POMK: variants seen among roughly 807,000 people sequenced by gnomAD.
POMK encodes the protein protein O-mannose kinase.
A neutral mutation model predicts 23.0 loss-of-function variants in POMK; 19 were observed. The observed-to-expected ratio is 0.83, with a 90% CI of 0.58 to 1.21. The LOEUF (loss-of-function observed/expected upper bound fraction) is 1.21. POMK is among the 50% of genes most tolerant of loss of function. The probability of loss-of-function intolerance (pLI) is 0.00; values close to 1 mark genes in which losing one functional copy is unlikely to be tolerated. For missense variants in POMK, 410 were observed against 431.3 expected, an observed-to-expected ratio of 0.95 and a Z score of 0.44; for synonymous variants, 173 against 171.6, an observed-to-expected ratio of 1.01 and a Z score of -0.06.
chr8:43,114,467 T>A (rs889138877), intron 4 of POMK, among the ~76,000 whole-genome samples: 3 of 152,176 alleles, frequency 2.0e-5, no homozygotes, highest in Non-Finnish European at 2.9e-5. Context: ...GTGGGAAAAG[T>A]GCAGTATTAG....
chr8:43,114,227 G>T (rs1283707951), intron 4 of POMK, among the ~76,000 whole-genome samples: 1 of 152,236 alleles, frequency 6.6e-6, no homozygotes, highest in African/African-American at 2.4e-5. Flanking sequence ...AGCCTACAGA[G>T]GCAGGCAGGC....
chr8:43,107,895 C>T lies in POMK; in HGVS notation c.282+4065C>T, dbSNP rs148358835. ...ACGGGGTTTCACTGTGTTGCCCAGG[C>T]TGGTCTTGAACTCCTGAGCTCAGGC... On this transcript the variant is annotated intron_variant, in intron 4 of 4. Transcript: ENST00000331373. Among the ~76,000 whole-genome samples the T allele has an allele frequency of 3.5e-3, 535 of 152,250 alleles. 4 individuals are homozygous for T. The highest frequency in any genetic ancestry group is 0.012 in the African/African-American group (490 of 41,550).
chr8:43,119,802 A>G (rs1213692830), intron 4 of POMK, among the ~76,000 whole-genome samples: 1 of 152,142 alleles, frequency 6.6e-6, no homozygotes. Context: ...GAGAGTCTTG[A>G]AAGAGTTTTC....
chr8:43,120,479 C>T (rs1024054412), intron 4 of POMK, among the ~76,000 whole-genome samples: 1 of 151,872 alleles, frequency 6.6e-6, no homozygotes, highest in African/African-American at 2.4e-5. Context: ...CCTTGGCTTC[C>T]AAAAGTGCTG....
chr8:43,104,533 T>G (rs1160014530), intron 4 of POMK, among the ~76,000 whole-genome samples: 1 of 152,214 alleles, frequency 6.6e-6, no homozygotes, highest in Non-Finnish European at 1.5e-5. Context: ...GCAACTGTTG[T>G]GTAGTTAGGA....
At position 43,103,459 on chromosome 8, in the gene POMK, A is replaced by G. The variant is rs117632349; in HGVS notation, c.-21-69A>G. ...ACCCTTGAGTAGAAGAGGCATCAGA[A>G]CACATTTTTGGAAATGAAAGGAAGT... On this transcript the variant is annotated intron_variant, in intron 3 of 4. Transcript: ENST00000331373. 9.0e-3 allele frequency: 13,270 copies of G among 1,469,466 alleles called. 97 individuals carry two copies. The highest frequency in any genetic ancestry group is 0.022 in the Middle Eastern group (100 of 4,518). 91.0% of individuals were successfully genotyped at this position (1,469,466 alleles called of 1,614,324 possible).
chr8:43,111,481 C>T (rs1428764803), intron 4 of POMK, among the ~76,000 whole-genome samples: 1 of 152,254 alleles, frequency 6.6e-6, no homozygotes, highest in Non-Finnish European at 1.5e-5. Context: ...CCCCTATAGG[C>T]TCCACCTCTG....
chr8:43,114,387 A>G (rs997039500), intron 4 of POMK, among the ~76,000 whole-genome samples: 2 of 151,818 alleles, frequency 1.3e-5, no homozygotes, highest in African/African-American at 4.8e-5. Flanking sequence ...AATCAGTGAG[A>G]CTCCGTGGGC....
At chr8:43,096,011 G>A (rs566988790) in intron 1 of POMK, among the ~76,000 whole-genome samples, 4 of 152,344 alleles carry the variant, frequency 2.6e-5, no homozygotes, top group Non-Finnish European at 5.9e-5. Flanking sequence ...ACAGGAGAGG[G>A]AAAGCAGCCT....
rs151252963 is a variant in POMK at position 43,100,828 on chromosome 8, C to T, written c.-117-1677C>T. On this transcript the variant is annotated intron_variant, in intron 2 of 4. Transcript: ENST00000331373. ...GAAGGGTCTTGGTACCGTCAGAGGCCCGGTGCGCTAAGGGTCAAGTTGGTG... is the reference window on the plus strand; with the variant it reads ...GAAGGGTCTTGGTACCGTCAGAGGCTCGGTGCGCTAAGGGTCAAGTTGGTG... 4.9e-3 allele frequency among the ~76,000 whole-genome samples: 749 copies of T among 151,862 alleles called. 5 individuals are homozygous for T. Among genetic ancestry groups the T allele is most frequent in the Non-Finnish European group, 7.4e-3 (501 of 67,920 alleles).
At chr8:43,109,142 G>A (rs1223262814) in intron 4 of POMK, among the ~76,000 whole-genome samples, 1 of 152,140 alleles carries the variant, frequency 6.6e-6, no homozygotes, top group African/African-American at 2.4e-5. Flanking sequence ...GCTTGATTTT[G>A]AAAGGTTTGT....
At position 43,099,435 on chromosome 8, in the gene POMK, G is replaced by A. The variant is rs1005923503; in HGVS notation, c.-118+1820G>A. ...CCTGAGTCTGGGTGAGCTCTCCCAG[G>A]GAGTGTGGCAGAGGCCTGAGCTCTG... On this transcript the variant is annotated intron_variant, in intron 2 of 4. Coordinates refer to ENST00000331373, the MANE Select transcript of POMK (RefSeq NM_032237.5). Among the ~76,000 whole-genome samples the A allele has an allele frequency of 5.9e-5, 9 of 152,330 alleles. No homozygotes were observed. The East Asian group carries it at 1.7e-3, about 29-fold the overall frequency.
In POMK at chr8:43,093,929, T is replaced by C. The variant is rs574558338; in HGVS notation, c.-210+366T>C. ...AACTTCTGTCTCCGTAAAAAAGCAC[T>C]TAGCCGGGCGCGGTGGCGCCGCCTA... On this transcript the variant is annotated intron_variant, in intron 1 of 4. Transcript: ENST00000331373. Among the ~76,000 whole-genome samples the C allele has an allele frequency of 1.1e-4, 17 of 152,280 alleles. No individual in the cohort carries two copies. The South Asian group carries it at 1.5e-3, about 13-fold the overall frequency.
intron 4 of POMK, among the ~76,000 whole-genome samples, 167 bp from the exon 5 acceptor site, chr8:43,121,940 C>G (rs1004117575): frequency 3.9e-5 from 6 of 152,254 alleles, no homozygotes; most frequent in Admixed American, 6.5e-5. Context: ...GTTTGCTCAT[C>G]GGTCTCTCTT....
intron 4 of POMK, among the ~76,000 whole-genome samples, 183 bp downstream of exon 4, chr8:43,104,013 A>T (rs1434586328): frequency 1.3e-5 from 2 of 152,220 alleles, no homozygotes; most frequent in East Asian, 3.8e-4. Context: ...AATTGTGAAT[A>T]GTGCTGCAGT....
At chr8:43,116,083 A>G (rs572515689) in intron 4 of POMK, among the ~76,000 whole-genome samples, 34 of 152,328 alleles carry the variant, frequency 2.2e-4, no homozygotes, top group African/African-American at 7.9e-4. Flanking sequence ...TCCCTGCTTA[A>G]TTCTTCTCTA....
intron 2 of POMK, among the ~76,000 whole-genome samples, chr8:43,102,064 T>A (rs1287790797): frequency 6.6e-6 from 1 of 152,206 alleles, no homozygotes; most frequent in East Asian, 1.9e-4. Context: ...AGGGAGTTCC[T>A]ACACAGTTAC....
In POMK at chr8:43,103,591, C is replaced by T. The variant is rs774013796; in HGVS notation, c.43C>T (p.Arg15Ter). The part of the protein sequence containing the change: ...PQNSRRGLAP[R>*]EVPPAVGLLL... ...GAACAGCAGGAGAGGCCTCGCCCCC[C>T]GAGAGGTGCCGCCAGCTGTTGGGCT... The change falls in exon 4 of 5, where the codon CGA becomes TGA. Residue 15 changes from arginine to a stop codon, truncating the protein, a stop_gained. Coordinates refer to ENST00000331373, the MANE Select transcript of POMK (RefSeq NM_032237.5). LOFTEE classifies it high-confidence loss of function. 18 of 1,614,042 alleles carry T rather than the reference C, an allele frequency of 1.1e-5. No homozygotes were observed. Among genetic ancestry groups the T allele is most frequent in the Middle Eastern group, 1.6e-4 (1 of 6,084 alleles).
intron 4 of POMK, among the ~76,000 whole-genome samples, chr8:43,108,656 C>T (rs796587838): frequency 1.3e-4 from 20 of 148,984 alleles, no homozygotes; most frequent in African/African-American, 4.5e-4. Flanking sequence ...ATGAACATTT[C>T]AGCTTTCCAT....
Sources: allele counts gnomAD v4.1 joint callset (sites outside exome capture counted in the v4.1 genomes callset), GRCh38; gene constraint gnomAD v4.1.1; transcripts MANE v1.5; gene names NCBI Gene and HGNC (gene_info 2026-07-23, HGNC 2026-07-21).